The following AFG1L variants were observed in gnomAD, a reference collection of about 807,000 sequenced individuals.
AFG1L encodes the protein AFG1-like ATPase.
Under a neutral mutation model 62.2 loss-of-function variants are expected in AFG1L, and 53 were observed. The observed-to-expected ratio is 0.85, with a 90% CI of 0.68 to 1.07. The LOEUF (loss-of-function observed/expected upper bound fraction) is 1.07. Among genes scored for constraint, AFG1L ranks in the 50% least tolerant of loss-of-function variants. The pLI is 0.00. For missense variants in AFG1L, 555 were observed against 590.5 expected (o/e 0.94, Z 0.62); for synonymous variants, 228 against 210.3 (o/e 1.08, Z -0.73).
chr6:108,364,107 C>T (rs904164134), intron 5 of AFG1L, among the ~76,000 whole-genome samples: 11 of 152,150 alleles, frequency 7.2e-5, no homozygotes, highest in Non-Finnish European at 1.5e-4. Context: ...AATCTGTAGC[C>T]TTCTCTTTTG....
At chr6:108,404,030 A>G (rs928397926) in intron 7 of AFG1L, among the ~76,000 whole-genome samples, 1 of 152,182 alleles carries the variant, frequency 6.6e-6, no homozygotes, top group African/African-American at 2.4e-5. Context: ...GACTTTTCGT[A>G]TATGACAAAA....
intron 11 of AFG1L, among the ~76,000 whole-genome samples, chr6:108,514,517 C>G (rs188922003): frequency 0.025 from 3,747 of 152,214 alleles, 150 homozygotes; most frequent in African/African-American, 0.085. Context: ...TGGAAAGGAA[C>G]AACCGGTACC....
chr6:108,474,438 T>C (rs1773031105), intron 8 of AFG1L, among the ~76,000 whole-genome samples: 1 of 152,240 alleles, frequency 6.6e-6, no homozygotes, highest in Admixed American at 6.5e-5. Context: ...TTTCTGGTTC[T>C]AGATCCTTGA....
chr6:108,452,841 C>T (rs1772108320), intron 8 of AFG1L, among the ~76,000 whole-genome samples: 1 of 152,142 alleles, frequency 6.6e-6, no homozygotes, highest in Non-Finnish European at 1.5e-5. Context: ...AATTGTGTTA[C>T]AGGAAAATAG....
chr6:108,417,299 G>C (rs1030564374), intron 7 of AFG1L, among the ~76,000 whole-genome samples: 1 of 148,156 alleles, frequency 6.7e-6, no homozygotes, highest in African/African-American at 2.5e-5. Context: ...AAAAAAAAAC[G>C]GGGAAAAAAA....
intron 2 of AFG1L, among the ~76,000 whole-genome samples, chr6:108,336,363 C>T (rs1040235530): frequency 6.6e-6 from 1 of 152,048 alleles, no homozygotes; most frequent in African/African-American, 2.4e-5. Context: ...ACAGCACCAC[C>T]CTTATTATCT....
At chr6:108,449,069 G>T (rs1265602670) in intron 8 of AFG1L, among the ~76,000 whole-genome samples, 1 of 151,696 alleles carries the variant, frequency 6.6e-6, no homozygotes, top group Non-Finnish European at 1.5e-5. Flanking sequence ...GATCGCTTGA[G>T]CCTAGGAGGT....
At chr6:108,454,081 T>C (rs1387036021) in intron 8 of AFG1L, among the ~76,000 whole-genome samples, 2 of 152,206 alleles carry the variant, frequency 1.3e-5, no homozygotes, top group African/African-American at 2.4e-5. Context: ...TTTCATCCTC[T>C]ACAACAAAAT....
chr6:108,322,511 G>A (rs1777854403), intron 1 of AFG1L, among the ~76,000 whole-genome samples: 1 of 152,172 alleles, frequency 6.6e-6, no homozygotes, highest in South Asian at 2.1e-4. Context: ...CTGACTGCAA[G>A]AGAGGCCAGG....
chr6:108,390,223 C>T (rs1349981784), intron 6 of AFG1L, among the ~76,000 whole-genome samples: 1 of 152,144 alleles, frequency 6.6e-6, no homozygotes, highest in Non-Finnish European at 1.5e-5. Context: ...CTCCATCAGG[C>T]CATTTTAGGA....
intron 11 of AFG1L, among the ~76,000 whole-genome samples, chr6:108,517,957 C>T (rs565000932): frequency 2.0e-3 from 304 of 152,266 alleles, no homozygotes; most frequent in African/African-American, 7.0e-3. Flanking sequence ...CAATGAGATA[C>T]CATCTCACAC....
intron 11 of AFG1L, among the ~76,000 whole-genome samples, chr6:108,515,108 G>A (rs1272087372): frequency 1.3e-5 from 2 of 152,094 alleles, no homozygotes; most frequent in African/African-American, 2.4e-5. Context: ...AAGTCAACAA[G>A]GATATCCAGG....
intron 1 of AFG1L, among the ~76,000 whole-genome samples, chr6:108,315,694 C>T (rs983597343): frequency 3.3e-5 from 5 of 152,154 alleles, no homozygotes; most frequent in African/African-American, 1.2e-4. Context: ...GATCAGCCTC[C>T]CACAGTGCTG....
Position 108,475,321 on chromosome 6 carries a change from G to T in AFG1L, c.891-1544G>T, listed in dbSNP as rs374067846. On this transcript the variant is annotated intron_variant, in intron 8 of 12. Transcript: ENST00000368977. The stretch of plus-strand genomic sequence containing the variant: ...GCAGTATAGTTTGAAGTTTGCTAGC[G>T]TGATGCCTCCAGCTTTGTTCTTTTT... Among the ~76,000 whole-genome samples, 6 of 152,268 alleles carry T rather than the reference G, an allele frequency of 3.9e-5. No homozygotes were observed. In the East Asian group the frequency reaches 1.2e-3, roughly 29 times the overall value.
intron 7 of AFG1L, among the ~76,000 whole-genome samples, chr6:108,418,460 T>C (rs759830258): frequency 2.0e-5 from 3 of 152,164 alleles, no homozygotes; most frequent in Non-Finnish European, 4.4e-5. Flanking sequence ...GGGCAAACAA[T>C]TGCTTAAAAC....
At chr6:108,310,822 C>T (rs1777376815) in intron 1 of AFG1L, among the ~76,000 whole-genome samples, 1 of 152,070 alleles carries the variant, frequency 6.6e-6, no homozygotes, top group South Asian at 2.1e-4. Context: ...AGCAATCCTC[C>T]CACTTAAACC....
At chr6:108,344,980 G>A (rs767071160) in intron 2 of AFG1L, 11 of 335,342 alleles carry the variant, frequency 3.3e-5, no homozygotes, top group Non-Finnish European at 5.9e-5. Flanking sequence ...GCCTCCCTCT[G>A]ACAAGCTTTT....
rs114505459 is a variant in AFG1L at position 108,376,232 on chromosome 6, A to G, written c.748+9900A>G. 3.1e-3 allele frequency among the ~76,000 whole-genome samples: 478 copies of G among 152,186 alleles called. 3 individuals carry two copies. Among genetic ancestry groups the G allele is most frequent in the African/African-American group, 0.011 (453 of 41,540 alleles). ...TCTTTTTTAATCTAGCTAGCAGTCT[A>G]TAGATCTTGTTTATCCTTTCAAAGA... On this transcript the variant is annotated intron_variant, in intron 6 of 12. Coordinates refer to ENST00000368977, the MANE Select transcript of AFG1L (RefSeq NM_145315.5).
In AFG1L at chr6:108,476,901, G is replaced by T; in HGVS notation, c.927G>T (p.Lys309Asn). ...CTGATGTGGAGGCTGTCATGGATAA[G>T]TTGTTTGATGAGCTGGCTCAGAAAC... ...SEADVEAVMD[K>N]LFDELAQKQN... Residue 309 changes from lysine (K) to asparagine (N), a missense_variant, in exon 9 of 13, where the codon AAG (lysine) becomes AAT (asparagine). Transcript: ENST00000368977. 6.2e-7 allele frequency: 1 copy of T among 1,613,996 alleles called. No homozygotes were observed. The highest frequency in any genetic ancestry group is 8.5e-7 in the Non-Finnish European group (1 of 1,179,902).
Sources: allele counts gnomAD v4.1 joint callset (sites outside exome capture counted in the v4.1 genomes callset), GRCh38; gene constraint gnomAD v4.1.1; transcripts MANE v1.5; gene names NCBI Gene and HGNC (gene_info 2026-07-23, HGNC 2026-07-21).